The following STOX2 variants were observed in gnomAD, a reference collection of about 807,000 sequenced individuals.
STOX2 encodes the protein storkhead box 2, also known as storkhead-box protein 2.
A neutral mutation model predicts 60.9 loss-of-function variants in STOX2; 28 were observed. That is an observed-to-expected ratio of 0.46 (90% CI 0.34 to 0.63). The LOEUF is 0.63. STOX2 is among the 30% of genes least tolerant of loss of function. The pLI, the probability that STOX2 is intolerant of heterozygous loss-of-function variation, is 0.01. For missense variants in STOX2, 1,024 were observed against 1,187.7 expected (o/e 0.86, Z 2.03); for synonymous variants, 472 against 463.9 (o/e 1.02, Z -0.22).
chr4:183,925,564 C>A (rs1050856599), intron 1 of STOX2, among the ~76,000 whole-genome samples: 1 of 152,116 alleles, frequency 6.6e-6, no homozygotes, highest in Non-Finnish European at 1.5e-5. Context: ...TTCTGAAGGA[C>A]ACTTGAGCTC....
At chr4:183,932,855 A>G (rs1042908538) in intron 1 of STOX2, among the ~76,000 whole-genome samples, 1 of 152,230 alleles carries the variant, frequency 6.6e-6, no homozygotes, top group Non-Finnish European at 1.5e-5. Context: ...CTTTAGAACT[A>G]AAGAAATGTC....
chr4:184,007,754 G>A (rs1046863199), intron 2 of STOX2, among the ~76,000 whole-genome samples: 1 of 152,274 alleles, frequency 6.6e-6, no homozygotes, highest in South Asian at 2.1e-4. Flanking sequence ...CTCGGCTTAC[G>A]GATGGCCACC....
intron 1 of STOX2, among the ~76,000 whole-genome samples, chr4:183,952,095 C>T (rs1056448359): frequency 5.3e-5 from 8 of 152,140 alleles, no homozygotes; most frequent in African/African-American, 1.9e-4. Flanking sequence ...TGGAAAACTT[C>T]GGCACAGAAA....
At chr4:183,873,597 G>T (rs546786834) in intron 1 of STOX2, among the ~76,000 whole-genome samples, 1 of 152,290 alleles carries the variant, frequency 6.6e-6, no homozygotes, top group East Asian at 1.9e-4. Context: ...GGAGCACTGT[G>T]CTGGGGGTTG....
chr4:183,839,283 G>C (rs1394048385), intron 1 of STOX2, among the ~76,000 whole-genome samples: 2 of 152,142 alleles, frequency 1.3e-5, no homozygotes, highest in Non-Finnish European at 2.9e-5. Context: ...AAGAGTCACA[G>C]AGACATCTAG....
chr4:184,006,685 C>CA (rs1199363509), intron 2 of STOX2, among the ~76,000 whole-genome samples: 31,882 of 76,308 alleles, frequency 0.42, 7,463 homozygotes, highest in East Asian at 0.49. Flanking sequence ...GACCCTGTCT[C>CA]AAAAAAAAAA....
intron 1 of STOX2, among the ~76,000 whole-genome samples, chr4:183,939,764 G>A (rs143811411): frequency 9.9e-5 from 15 of 152,268 alleles, no homozygotes; most frequent in Non-Finnish European, 1.8e-4. Flanking sequence ...GAGCTGGGAT[G>A]TGCTTCTTAA....
intron 1 of STOX2, among the ~76,000 whole-genome samples, chr4:183,916,910 T>G (rs1272669852): frequency 6.6e-6 from 1 of 152,212 alleles, no homozygotes; most frequent in East Asian, 1.9e-4. Flanking sequence ...CTTAGTTCCT[T>G]GAGGAAACCT....
chr4:183,953,133 C>G (rs903120241), intron 1 of STOX2, among the ~76,000 whole-genome samples: 3 of 151,774 alleles, frequency 2.0e-5, no homozygotes, highest in Admixed American at 2.0e-4. Context: ...CACATGTATA[C>G]CTATGTAACA....
At chr4:183,945,917 A>G (rs1742873207) in intron 1 of STOX2, among the ~76,000 whole-genome samples, 1 of 152,214 alleles carries the variant, frequency 6.6e-6, no homozygotes, top group Non-Finnish European at 1.5e-5. Flanking sequence ...AACTTCAGTC[A>G]TGAAATGCTT....
At chr4:183,869,571 G>A (rs1740642926) in intron 1 of STOX2, among the ~76,000 whole-genome samples, 1 of 152,250 alleles carries the variant, frequency 6.6e-6, no homozygotes, top group East Asian at 1.9e-4. Flanking sequence ...CAATAAAGGT[G>A]AAATTAGACC....
rs1323210483 is a variant in STOX2, at chr4:183,906,758, C to G, written c.-33C>G. The G allele has an allele frequency of 1.0e-5, 15 of 1,492,860 alleles. No individual in the cohort carries two copies. Among genetic ancestry groups the G allele is most frequent in the East Asian group, 2.6e-5 (1 of 38,888 alleles). The allele number at this position is 1,492,860 out of a possible 1,614,324, so 92.5% of individuals were successfully genotyped here. A position where few individuals can be genotyped will look rare whatever the true frequency, so the allele number is the denominator to read the frequency against. On this transcript the variant is annotated 5_prime_UTR_variant, in exon 1 of 4. Transcript: ENST00000308497. ...GCGCTGCGCCCCGGCGCTGAGGCCC[C>G]GAGGATCGGGGCGGCAGGTCGCCCT...
chr4:183,963,594 T>G (rs539137459), intron 1 of STOX2, among the ~76,000 whole-genome samples: 165 of 151,268 alleles, frequency 1.1e-3, no homozygotes, highest in African/African-American at 3.6e-3. Flanking sequence ...ACCCGGCTAA[T>G]TTTTGTATTT....
At chr4:183,963,659 C>A (rs1404495561) in intron 1 of STOX2, among the ~76,000 whole-genome samples, 1 of 151,996 alleles carries the variant, frequency 6.6e-6, no homozygotes, top group Non-Finnish European at 1.5e-5. Flanking sequence ...CTCCTGACCT[C>A]AGGTGATCCG....
chr4:183,969,705 C>T (rs923248106), intron 1 of STOX2, among the ~76,000 whole-genome samples: 10 of 152,026 alleles, frequency 6.6e-5, no homozygotes, highest in Non-Finnish European at 1.3e-4. Context: ...CTGCAACCTT[C>T]AACTCCTGGG....
intron 1 of STOX2, chr4:183,853,450 C>G (rs775172743): frequency 2.0e-5 from 3 of 152,042 alleles, no homozygotes; most frequent in Non-Finnish European, 2.9e-5. Context: ...AGGGAAGGGA[C>G]GAAATGTCTG....
chr4:183,960,290 G>A (rs1399576572), intron 1 of STOX2: 1 of 152,218 alleles, frequency 6.6e-6, no homozygotes, highest in Non-Finnish European at 1.5e-5. Context: ...GCTGCAATGA[G>A]GTAATGCTTC....
intron 1 of STOX2, among the ~76,000 whole-genome samples, chr4:183,839,049 G>GCACACACACACACA (rs369296969): frequency 1.3e-5 from 2 of 148,660 alleles, no homozygotes; most frequent in East Asian, 2.0e-4. Flanking sequence ...AGGTACACAT[G>GCACACACACACACA]CACACACACA....
intron 1 of STOX2, among the ~76,000 whole-genome samples, chr4:183,893,483 A>G (rs1425709259): frequency 1.3e-5 from 2 of 152,192 alleles, no homozygotes; most frequent in African/African-American, 4.8e-5. Flanking sequence ...GGGTGATGCA[A>G]GTGATGCTGG....
Sources: gnomAD v4.1 joint callset for allele counts (sites outside exome capture counted in the v4.1 genomes callset) on GRCh38, gnomAD v4.1.1 for gene constraint, MANE v1.5 for transcripts, NCBI Gene and HGNC (gene_info 2026-07-23, HGNC 2026-07-21) for gene names.